TRAPPC9: variants seen among roughly 807,000 people sequenced by gnomAD.
The protein encoded by TRAPPC9 is IKK2 binding protein.
A neutral mutation model predicts 124.0 loss-of-function variants in TRAPPC9; 83 were observed. That is an observed-to-expected ratio of 0.67 (90% confidence interval 0.56 to 0.80). The LOEUF is 0.80. Ranked by LOEUF, TRAPPC9 falls within the 30% of genes least tolerant of loss-of-function variation. The probability of loss-of-function intolerance (pLI) is 0.00; values close to 1 mark genes in which losing one functional copy is unlikely to be tolerated. For synonymous variants in TRAPPC9, 638 were observed against 617.5 expected (o/e 1.03, Z -0.49); for missense variants, 1,302 against 1,508.3 (o/e 0.86, Z 2.27).
intron 21 of TRAPPC9, among the ~76,000 whole-genome samples, chr8:139,840,724 G>A (rs1826671591): frequency 6.6e-6 from 1 of 152,278 alleles, no homozygotes; most frequent in South Asian, 2.1e-4. Context: ...AGTCTTTACT[G>A]GCCTTGCCCA....
At chr8:139,996,725 T>G (rs1838023140) in intron 18 of TRAPPC9, among the ~76,000 whole-genome samples, 1 of 152,178 alleles carries the variant, frequency 6.6e-6, no homozygotes, top group Non-Finnish European at 1.5e-5. Context: ...TTTTTGCTGT[T>G]GTTGCTATTT....
intron 20 of TRAPPC9, among the ~76,000 whole-genome samples, chr8:139,888,319 C>G (rs1010983768): frequency 6.6e-6 from 1 of 152,190 alleles, no homozygotes; most frequent in African/African-American, 2.4e-5. Flanking sequence ...TCCTGGCACC[C>G]CCACGAATGA....
At chr8:140,458,533 G>GGC, upstream of TRAPPC9, 1 of 1,582,988 alleles carries the variant, frequency 6.3e-7, no homozygotes, top group Non-Finnish European at 8.6e-7. Context: ...CCCCCTGTGT[G>GGC]GCGCGCGGTC....
intron 19 of TRAPPC9, among the ~76,000 whole-genome samples, chr8:139,957,720 G>C (rs559723406): frequency 7.9e-5 from 12 of 152,110 alleles, no homozygotes; most frequent in African/African-American, 2.9e-4. Flanking sequence ...AGCCACAGCC[G>C]CAGGGGTGGC....
chr8:140,255,909 T>C (rs55791178), intron 15 of TRAPPC9, among the ~76,000 whole-genome samples: 8,495 of 152,160 alleles, frequency 0.056, 356 homozygotes, highest in African/African-American at 0.11. Flanking sequence ...GCTGTGGCTG[T>C]TGGATGAGAT....
intron 19 of TRAPPC9, among the ~76,000 whole-genome samples, chr8:139,979,092 T>C (rs1397482993): frequency 6.6e-6 from 1 of 151,382 alleles, no homozygotes; most frequent in Non-Finnish European, 1.5e-5. Flanking sequence ...TGCGGAGCCG[T>C]GAGGGTCAGG....
rs1162955681 is a variant in TRAPPC9 at position 139,784,624 on chromosome 8, T to TG, written c.3056-52423_3056-52422insC. Among the ~76,000 whole-genome samples, 49 of 141,480 alleles carry TG rather than the reference T, an allele frequency of 3.5e-4. 1 individual carries two copies. Among genetic ancestry groups the TG allele is most frequent in the African/African-American group, 1.2e-3 (47 of 39,408 alleles). The allele number at this position is 141,480 out of a possible 152,430, so 92.8% of individuals were successfully genotyped here. ...AAAGACTGACATATATATATATATATATATATATATATATATATATAAATC... is the reference window on the plus strand; with the variant it reads ...AAAGACTGACATATATATATATATATGATATATATATATATATATATAAATC... On this transcript the variant is annotated intron_variant, in intron 21 of 22. Transcript: ENST00000438773.
At chr8:140,392,472 G>C (rs915119724) in intron 7 of TRAPPC9, among the ~76,000 whole-genome samples, 5 of 152,138 alleles carry the variant, frequency 3.3e-5, no homozygotes, top group African/African-American at 1.2e-4. Flanking sequence ...CTTTTCCTTG[G>C]ATCAAATTCA....
chr8:140,116,138 CA>C (rs1000338580), intron 17 of TRAPPC9, among the ~76,000 whole-genome samples: 5 of 152,150 alleles, frequency 3.3e-5, no homozygotes, highest in Admixed American at 3.3e-4. Context: ...AGGGGAGAGG[CA>C]GGGGCAGGGT....
intron 21 of TRAPPC9, among the ~76,000 whole-genome samples, chr8:139,848,339 T>G (rs1159910352): frequency 6.6e-6 from 1 of 152,094 alleles, no homozygotes; most frequent in Non-Finnish European, 1.5e-5. Context: ...TGACAGAAAA[T>G]AGACGAAATA....
chr8:139,900,867 A>G lies in TRAPPC9; in HGVS notation c.2964+9280T>C, dbSNP rs1420974834. On this transcript the variant is annotated intron_variant, in intron 20 of 22. Coordinates refer to ENST00000438773, the MANE Select transcript of TRAPPC9 (RefSeq NM_001160372.4). Reference sequence around the variant, plus strand: ...CCCGGTTTGGCATTTTAGGAAAACAATGATTGCTTAGTTCACTCTGCCCCT... The same window carrying G: ...CCCGGTTTGGCATTTTAGGAAAACAGTGATTGCTTAGTTCACTCTGCCCCT... Among the ~76,000 whole-genome samples, 3 of 152,188 alleles carry G rather than the reference A, an allele frequency of 2.0e-5. No homozygotes were observed. The East Asian group carries it at 5.8e-4, about 29-fold the overall frequency.
At chr8:140,308,274 C>A (rs957994372) in intron 10 of TRAPPC9, among the ~76,000 whole-genome samples, 10 of 151,556 alleles carry the variant, frequency 6.6e-5, no homozygotes, top group Non-Finnish European at 1.5e-4. Context: ...AGAGGCCCTG[C>A]AAGCCATGCA....
intron 17 of TRAPPC9, among the ~76,000 whole-genome samples, chr8:140,147,524 A>G (rs149157915): frequency 6.6e-6 from 1 of 152,234 alleles, no homozygotes; most frequent in Admixed American, 6.5e-5. Flanking sequence ...TGCCTTTCTC[A>G]TAAGTAGCCA....
At chr8:140,106,698 T>C (rs2060673133) in intron 17 of TRAPPC9, among the ~76,000 whole-genome samples, 1 of 152,154 alleles carries the variant, frequency 6.6e-6, no homozygotes, top group Non-Finnish European at 1.5e-5. Context: ...AAAGGCCATT[T>C]CACCTCTGAG....
Position 139,730,830 on chromosome 8 carries a change from C to A in TRAPPC9, c.*231G>T, listed in dbSNP as rs1472474216. 2 of 582,226 alleles carry A rather than the reference C, an allele frequency of 3.4e-6. No homozygotes were observed. Among genetic ancestry groups the A allele is most frequent in the South Asian group, 2.0e-5 (1 of 50,018 alleles). The allele number at this position is 582,226 out of a possible 1,614,324, so 36.1% of individuals were successfully genotyped here. Reference sequence around the variant, plus strand: ...TCCTCTGCTTCAGCCTGTGTATGGTCCAGGGAACAGTGTAGGAAGGGGCGT... The same window carrying A: ...TCCTCTGCTTCAGCCTGTGTATGGTACAGGGAACAGTGTAGGAAGGGGCGT... On this transcript the variant is annotated 3_prime_UTR_variant, in exon 23 of 23. Coordinates refer to ENST00000438773, the MANE Select transcript of TRAPPC9 (RefSeq NM_001160372.4).
intron 21 of TRAPPC9, among the ~76,000 whole-genome samples, chr8:139,737,475 C>CCCCCG (rs1554633775): frequency 3.9e-5 from 5 of 128,342 alleles, no homozygotes; most frequent in East Asian, 2.5e-4. Flanking sequence ...CTCCCCCCCC[C>CCCCCG]CCCACGGAAA....
chr8:140,093,155 C>T (rs1844685885), intron 17 of TRAPPC9, among the ~76,000 whole-genome samples: 1 of 152,170 alleles, frequency 6.6e-6, no homozygotes, highest in Admixed American at 6.5e-5. Context: ...GGATAAGGAC[C>T]TTTCCCTGTG....
chr8:139,851,737 A>G (rs1179682341), intron 21 of TRAPPC9, among the ~76,000 whole-genome samples: 2 of 152,248 alleles, frequency 1.3e-5, no homozygotes, highest in African/African-American at 4.8e-5. Flanking sequence ...TCTTTGGAAC[A>G]TATGCATGGC....
intron 21 of TRAPPC9, chr8:139,881,024 T>C (rs1014341467): frequency 6.6e-6 from 1 of 152,276 alleles, no homozygotes; most frequent in Non-Finnish European, 1.5e-5. Context: ...AAAGGGATTA[T>C]ATTCGCATTA....
Sources: allele counts gnomAD v4.1 joint callset (sites outside exome capture counted in the v4.1 genomes callset), GRCh38; gene constraint gnomAD v4.1.1; transcripts MANE v1.5; gene names NCBI Gene and HGNC (gene_info 2026-07-23, HGNC 2026-07-21).